Variants in DGUOK observed in about 807,000 individuals in gnomAD.
The protein encoded by DGUOK is deoxyguanosine kinase, mitochondrial.
Under a neutral mutation model 36.6 loss-of-function variants are expected in DGUOK, and 30 were observed. The ratio of observed to expected loss-of-function variants is 0.82; its 90% confidence interval spans 0.61 to 1.11. The LOEUF (loss-of-function observed/expected upper bound fraction) is 1.11, where lower values mean the gene tolerates loss of function less well. Among genes scored for constraint, DGUOK ranks in the 50% most tolerant of loss-of-function variants. The pLI, the probability that DGUOK is intolerant of heterozygous loss-of-function variation, is 0.00. For synonymous variants in DGUOK, 145 were observed against 126.3 expected, an observed-to-expected ratio of 1.15 and a Z score of -0.99; for missense variants, 361 against 336.4, an observed-to-expected ratio of 1.07 and a Z score of -0.57.
intron 1 of DGUOK, among the ~76,000 whole-genome samples, chr2:73,935,473 GA>G (rs1681386000): frequency 1.3e-5 from 2 of 151,024 alleles, no homozygotes; most frequent in Admixed American, 1.3e-4. Context: ...ACCCCAGCAA[GA>G]AGGGAAAAAA....
At chr2:73,954,473 G>A (rs918017564) in intron 4 of DGUOK, among the ~76,000 whole-genome samples, 1 of 152,184 alleles carries the variant, frequency 6.6e-6, no homozygotes, top group African/African-American at 2.4e-5. Context: ...AGCTCAAGAC[G>A]AGCATGGTCA....
At chr2:73,941,816 T>G (rs972951131) in intron 2 of DGUOK, among the ~76,000 whole-genome samples, 1 of 152,204 alleles carries the variant, frequency 6.6e-6, no homozygotes, top group Non-Finnish European at 1.5e-5. Flanking sequence ...CCTTGTTTTT[T>G]TCTATTGAGA....
intron 1 of DGUOK, 68 bp downstream of exon 1, chr2:73,927,120 G>A (rs1680656394): frequency 1.3e-6 from 2 of 1,595,978 alleles, no homozygotes; most frequent in African/African-American, 2.7e-5. Flanking sequence ...TGGGAAAGGA[G>A]CTGGGCCCGG....
rs77747146 is a variant in DGUOK at position 73,938,077 on chromosome 2, C to T, written c.143-833C>T. ...GCCCTGTATGACCTGGCCCTGGACT[C>T]CCTGTCTGGCCACACCCATGTTGAG... On this transcript the variant is annotated intron_variant, in intron 1 of 6. Coordinates refer to ENST00000264093, the MANE Select transcript of DGUOK (RefSeq NM_080916.3). Among the ~76,000 whole-genome samples the T allele has an allele frequency of 3.9e-4, 59 of 152,228 alleles. No individual in the cohort carries two copies. In the East Asian group the frequency reaches 9.7e-3, roughly 25 times the overall value.
chr2:73,954,556 G>A (rs2104985333), intron 4 of DGUOK, among the ~76,000 whole-genome samples: 1 of 152,072 alleles, frequency 6.6e-6, no homozygotes, highest in South Asian at 2.1e-4. Flanking sequence ...ACTCAAAAGA[G>A]AAATAGCTAG....
intron 1 of DGUOK, among the ~76,000 whole-genome samples, chr2:73,934,653 TGA>T (rs1681314381): frequency 6.6e-6 from 1 of 150,640 alleles, no homozygotes; most frequent in African/African-American, 2.4e-5. Flanking sequence ...CTCGGGAGGC[TGA>T]GAGGCTGGAG....
At chr2:73,939,876 T>C (rs1681770614) in intron 2 of DGUOK, among the ~76,000 whole-genome samples, 2 of 151,746 alleles carry the variant, frequency 1.3e-5, no homozygotes, top group East Asian at 1.9e-4. Flanking sequence ...GTAATGATTT[T>C]CCTGTTCTTT....
intron 1 of DGUOK, among the ~76,000 whole-genome samples, chr2:73,937,460 G>C (rs1573522700): frequency 6.6e-6 from 1 of 152,344 alleles, no homozygotes; most frequent in East Asian, 1.9e-4. Context: ...ATGATAAGAG[G>C]CTGGTCTTGA....
chr2:73,937,591 T>A, intron 1 of DGUOK, among the ~76,000 whole-genome samples: 1 of 152,178 alleles, frequency 6.6e-6, no homozygotes, highest in African/African-American at 2.4e-5. Context: ...GTGGATGGTG[T>A]GTTCATACCC....
In DGUOK at chr2:73,958,785, A is replaced by G. The variant is rs754307943; in HGVS notation, c.*49A>G. 4.5e-6 allele frequency: 7 copies of G among 1,547,934 alleles called. No homozygotes were observed. The Admixed American group carries it at 5.0e-5, about 11-fold the overall frequency. On this transcript the variant is annotated 3_prime_UTR_variant, in exon 7 of 7. Transcript: ENST00000264093. ...TGATCTGGGCTCCCTGACTTTCTGA[A>G]GCTAGAAAAATGTTGTGTCTCCCAA...
chr2:73,942,916 C>G (rs1405207754), intron 2 of DGUOK, among the ~76,000 whole-genome samples: 1 of 152,162 alleles, frequency 6.6e-6, no homozygotes, highest in East Asian at 1.9e-4. Flanking sequence ...GAATTTCCAT[C>G]AAAAACCACT....
intron 2 of DGUOK, among the ~76,000 whole-genome samples, chr2:73,940,009 C>T (rs954989649): frequency 6.7e-5 from 10 of 150,000 alleles, no homozygotes; most frequent in African/African-American, 2.5e-4. Context: ...TCAAGTGATT[C>T]TCATGCCTCA....
At chr2:73,943,377 G>A (rs542518138) in intron 2 of DGUOK, among the ~76,000 whole-genome samples, 1 of 150,356 alleles carries the variant, frequency 6.7e-6, no homozygotes, top group Non-Finnish European at 1.5e-5. Context: ...GCCCAGGCTG[G>A]TCTCGAACTC....
chr2:73,950,688 C>T lies in DGUOK; in HGVS notation c.547C>T (p.Arg183Trp), dbSNP rs373204746. The change falls in exon 4 of 7, where the codon CGG becomes TGG. Residue 183 changes from arginine (R) to tryptophan (W), a missense_variant. Arg to Trp is a moderately radical substitution (Grantham distance 101, BLOSUM62 -3). Coordinates refer to ENST00000264093, the MANE Select transcript of DGUOK (RefSeq NM_080916.3). ...HSFLLWEFAS[R>W]ITLHGFIYLQ... The stretch of plus-strand genomic sequence containing the variant: ...TTTTCTCCTGTGGGAGTTTGCCAGC[C>T]GGATCACATTACATGGCTTCATCTA... The T allele has an allele frequency of 2.3e-5, 37 of 1,614,180 alleles. No homozygotes were observed. Among genetic ancestry groups the T allele is most frequent in the East Asian group, 2.2e-4 (10 of 44,888 alleles).
intron 2 of DGUOK, among the ~76,000 whole-genome samples, chr2:73,946,028 C>G (rs1573545983): frequency 1.5e-5 from 2 of 137,458 alleles, no homozygotes; most frequent in Admixed American, 1.6e-4. Context: ...GCACTCCAGC[C>G]TGGGTGGCAG....
In DGUOK at chr2:73,926,933, T is replaced by A. The variant is rs747033868; in HGVS notation, c.23T>A (p.Leu8Gln). The A allele has an allele frequency of 1.2e-6, 2 of 1,613,584 alleles. No individual in the cohort carries two copies. The highest frequency in any genetic ancestry group is 1.7e-6 in the Non-Finnish European group (2 of 1,180,040). ...GGGATGGCCGCGGGCCGCCTCTTTC[T>A]AAGTCGGCTTCGAGCACCCTTCAGT... MAAGRLF[L>Q]SRLRAPFSSM... Residue 8 changes from leucine to glutamine, a missense_variant, in exon 1 of 7, where the codon CTA becomes CAA. Leu to Gln is a moderately radical substitution (Grantham distance 113). Transcript: ENST00000264093.
At chr2:73,943,836 A>G (rs1297153805) in intron 2 of DGUOK, among the ~76,000 whole-genome samples, 2 of 151,964 alleles carry the variant, frequency 1.3e-5, no homozygotes, top group Non-Finnish European at 2.9e-5. Context: ...TAGTAGAGAC[A>G]GGCTTTCACC....
intron 3 of DGUOK, among the ~76,000 whole-genome samples, chr2:73,948,915 C>CAT (rs1682521714): frequency 6.6e-6 from 1 of 152,170 alleles, no homozygotes; most frequent in Non-Finnish European, 1.5e-5. Context: ...GAACCCCTTT[C>CAT]ATAGGGCTTA....
intron 2 of DGUOK, among the ~76,000 whole-genome samples, chr2:73,944,052 T>C (rs1350473151): frequency 6.6e-6 from 1 of 152,214 alleles, no homozygotes; most frequent in Non-Finnish European, 1.5e-5. Context: ...CACTGCAGCA[T>C]TGCTTCTCAG....
Sources: allele counts gnomAD v4.1 joint callset (sites outside exome capture counted in the v4.1 genomes callset), GRCh38; gene constraint gnomAD v4.1.1; transcripts MANE v1.5; gene names NCBI Gene and HGNC (gene_info 2026-07-23, HGNC 2026-07-21).